Variants in SV2C observed in about 807,000 individuals in gnomAD.
The protein encoded by SV2C is solute carrier family 22 member B3.
SV2C carries 49 observed loss-of-function variants against 79.7 expected under a neutral mutation model. The observed-to-expected ratio is 0.61, with a 90% confidence interval of 0.49 to 0.78. The LOEUF (loss-of-function observed/expected upper bound fraction) is 0.78, where lower values mean the gene tolerates loss of function less well. SV2C is among the 30% of genes least tolerant of loss of function. The pLI, the probability that SV2C is intolerant of heterozygous loss-of-function variation, is 0.00. For missense variants in SV2C, 833 were observed against 912.9 expected (o/e 0.91, Z 1.13); for synonymous variants, 334 against 333.2 (o/e 1.00, Z -0.03).
At chr5:76,174,557 C>T (rs1329291615) in intron 2 of SV2C, among the ~76,000 whole-genome samples, 3 of 152,174 alleles carry the variant, frequency 2.0e-5, no homozygotes, top group South Asian at 2.1e-4. Flanking sequence ...TAAGCACAGA[C>T]GATGCTATAG....
chr5:76,233,705 T>C (rs1265633662), intron 4 of SV2C, among the ~76,000 whole-genome samples: 2 of 151,498 alleles, frequency 1.3e-5, no homozygotes, highest in Admixed American at 1.3e-4. Flanking sequence ...AATCATGTGG[T>C]TTTTGTCTTT....
At chr5:76,245,920 G>GTGTGTGTGTGTGTA in intron 4 of SV2C, among the ~76,000 whole-genome samples, 1 of 145,434 alleles carries the variant, frequency 6.9e-6, no homozygotes, top group Admixed American at 6.7e-5. Context: ...GAGTGTGTGT[G>GTGTGTGTGTGTGTA]TGTGTGTGTG....
At chr5:76,257,284 TGTGTGTAGTGTGTGTGTGGTATCTGTATG>T (rs1561286281) in intron 4 of SV2C, among the ~76,000 whole-genome samples, 1 of 142,510 alleles carries the variant, frequency 7.0e-6, no homozygotes, top group African/African-American at 2.6e-5. Flanking sequence ...TGTGTGTGTG[TGTGTGTAGTGTGTGTGTGGTATCTGTATG>T]GTGTGTAGTG....
chr5:75,942,888 C>T, the SV2C span, among the ~76,000 whole-genome samples: 2 of 152,140 alleles, frequency 1.3e-5, no homozygotes, highest in Non-Finnish European at 2.9e-5. Flanking sequence ...TTTGGAGCCA[C>T]ATGCGATAGT....
At chr5:75,963,436 A>T in the SV2C span, among the ~76,000 whole-genome samples, 1 of 152,138 alleles carries the variant, frequency 6.6e-6, no homozygotes, top group Non-Finnish European at 1.5e-5. Flanking sequence ...CCGGGTTCAA[A>T]TGATCTTTTT....
intron 2 of SV2C, among the ~76,000 whole-genome samples, chr5:76,179,532 CT>C (rs776521539): frequency 6.6e-6 from 1 of 152,216 alleles, no homozygotes; most frequent in Non-Finnish European, 1.5e-5. Context: ...AAAGAATCAG[CT>C]ACTAAGTAAC....
intron 4 of SV2C, among the ~76,000 whole-genome samples, chr5:76,252,617 C>T (rs1746149689): frequency 6.6e-6 from 1 of 152,182 alleles, no homozygotes; most frequent in Admixed American, 6.5e-5. Context: ...CTGGTGAGAA[C>T]ATGACTCACT....
At chr5:76,256,546 C>T (rs1746271799) in intron 4 of SV2C, among the ~76,000 whole-genome samples, 1 of 152,206 alleles carries the variant, frequency 6.6e-6, no homozygotes, top group Admixed American at 6.5e-5. Context: ...AGCTTTGTGA[C>T]TTGTGTCCAT....
the SV2C span, among the ~76,000 whole-genome samples, chr5:75,986,672 G>A: frequency 1.1e-4 from 16 of 151,948 alleles, no homozygotes; most frequent in South Asian, 2.1e-4. Context: ...GACAGTCTTC[G>A]AAGGGCAGGT....
rs972153313 is a variant in SV2C, at chr5:76,170,961, A to AGCC, written c.581-23948_581-23946dup. On this transcript the variant is annotated intron_variant, in intron 2 of 12. Coordinates refer to ENST00000502798, the MANE Select transcript of SV2C (RefSeq NM_014979.4). The stretch of plus-strand genomic sequence containing the variant: ...CGGAGCCGCTGCCGCGACCGACCGC[A>AGCC]GCCGCCGCCGCCCGACCGCCGGGAG... The AGCC allele has an allele frequency of 3.5e-4, 94 of 269,664 alleles. 4 individuals are homozygous for AGCC. In the South Asian group the frequency reaches 6.0e-3, roughly 17 times the overall value. The allele number at this position is 269,664 out of a possible 1,614,324, so 16.7% of individuals were successfully genotyped here.
At chr5:75,976,668 T>G in the SV2C span, among the ~76,000 whole-genome samples, 1 of 152,074 alleles carries the variant, frequency 6.6e-6, no homozygotes, top group African/African-American at 2.4e-5. Context: ...AAGCAGCAAC[T>G]TAATGGATAT....
At chr5:75,929,444 T>C in the SV2C span, among the ~76,000 whole-genome samples, 7 of 152,044 alleles carry the variant, frequency 4.6e-5, no homozygotes, top group African/African-American at 1.7e-4. Context: ...CTGGCCTCTA[T>C]GGCCTCTAGG....
the SV2C span, among the ~76,000 whole-genome samples, chr5:75,952,861 C>T: frequency 6.6e-6 from 1 of 151,964 alleles, no homozygotes. Flanking sequence ...TTTCAAGCAT[C>T]TATTATTATA....
At chr5:75,862,296 G>A in the SV2C span, among the ~76,000 whole-genome samples, 1 of 152,120 alleles carries the variant, frequency 6.6e-6, no homozygotes, top group Non-Finnish European at 1.5e-5. Context: ...CTGTCTTGCT[G>A]GTGGGAAGAA....
intron 8 of SV2C, 47 bp downstream of exon 8, chr5:76,291,903 C>T (rs1747579554): frequency 7.5e-6 from 10 of 1,330,670 alleles, no homozygotes; most frequent in Non-Finnish European, 1.1e-5. Context: ...TCAATGTCCA[C>T]ATTGTAACTC....
chr5:75,856,359 C>T, the SV2C span, among the ~76,000 whole-genome samples: 1 of 152,192 alleles, frequency 6.6e-6, no homozygotes, highest in South Asian at 2.1e-4. Context: ...TTTGAGGAAG[C>T]TCCAAACTCT....
chr5:76,139,105 C>T (rs572707825), intron 2 of SV2C, among the ~76,000 whole-genome samples: 29 of 149,624 alleles, frequency 1.9e-4, no homozygotes, highest in African/African-American at 6.2e-4. Flanking sequence ...GGCGATGGAG[C>T]GAGACTCCAT....
At chr5:76,140,514 C>T (rs754106099) in intron 2 of SV2C, among the ~76,000 whole-genome samples, 1 of 152,036 alleles carries the variant, frequency 6.6e-6, no homozygotes, top group African/African-American at 2.4e-5. Flanking sequence ...CTAAGATTCC[C>T]CTTTGCTAGT....
chr5:76,313,239 T>A (rs1264647736), intron 12 of SV2C, among the ~76,000 whole-genome samples: 2 of 152,246 alleles, frequency 1.3e-5, no homozygotes, highest in Non-Finnish European at 2.9e-5. Context: ...CTCACTTATT[T>A]GTGAAGATTT....
Sources: allele counts gnomAD v4.1 joint callset (sites outside exome capture counted in the v4.1 genomes callset), GRCh38; gene constraint gnomAD v4.1.1; transcripts MANE v1.5; gene names NCBI Gene and HGNC (gene_info 2026-07-23, HGNC 2026-07-21).